Variants in SMARCA4 observed in about 807,000 individuals in gnomAD.
The protein encoded by SMARCA4 is SWI/SNF related BAF chromatin remodeling complex subunit ATPase 4.
A neutral mutation model predicts 193.9 loss-of-function variants in SMARCA4; 31 were observed. The observed-to-expected ratio is 0.16, with a 90% CI of 0.12 to 0.22. The LOEUF (loss-of-function observed/expected upper bound fraction) is 0.22, where lower values mean the gene tolerates loss of function less well. SMARCA4 is among the 10% of genes least tolerant of loss of function. The pLI is 1.00. For missense variants in SMARCA4, 1,148 were observed against 2,296.0 expected (o/e 0.50, Z 10.22); for synonymous variants, 942 against 933.1 (o/e 1.01, Z -0.17).
chr19:10,974,426 A>G (rs1026403257), intron 1 of SMARCA4, among the ~76,000 whole-genome samples: 1 of 144,758 alleles, frequency 6.9e-6, no homozygotes, highest in Non-Finnish European at 1.5e-5. Context: ...TCTTGTGGGT[A>G]TTTATTTCAT....
intron 1 of SMARCA4, among the ~76,000 whole-genome samples, chr19:10,962,418 C>T (rs1828582163): frequency 6.6e-6 from 1 of 152,034 alleles, no homozygotes; most frequent in South Asian, 2.1e-4. Context: ...ACTCTCTTGG[C>T]CTATCGTTTA....
chr19:11,027,646 G>A (rs1185403692), intron 23 of SMARCA4, 138 bp from the exon 24 acceptor site: 9 of 895,784 alleles, frequency 1.0e-5, no homozygotes, highest in South Asian at 4.1e-5. Context: ...GGTGGGTGAC[G>A]TCTGCTTAGG....
rs554612083 is a variant in SMARCA4 at position 11,045,595 on chromosome 19, A to G, written c.4424+4035A>G. Among the ~76,000 whole-genome samples the G allele has an allele frequency of 2.6e-5, 4 of 152,270 alleles. No individual in the cohort carries two copies. The East Asian group carries it at 5.8e-4, about 22-fold the overall frequency. On this transcript the variant is annotated intron_variant, in intron 30 of 34. Transcript: ENST00000344626. ...ACAGAAACAGCATGCTCAGCTTATTAAGAACCTGAATATTTTCAGACAAAA... is the reference window on the plus strand; with the variant it reads ...ACAGAAACAGCATGCTCAGCTTATTGAGAACCTGAATATTTTCAGACAAAA...
Position 11,030,759 on chromosome 19 carries a change from C to T in SMARCA4, c.3412C>T (p.Leu1138=), listed in dbSNP as rs760188750. 7 of 1,611,708 alleles carry T rather than the reference C, an allele frequency of 4.3e-6. No homozygotes were observed. In the African/African-American group the frequency reaches 8.0e-5, roughly 18 times the overall value. ...CACGAAGGCGGAGGACCGGGGCATG[C>T]TGCTGAAAACCTTCAACGAGCCCGG... ...GTTKAEDRGM[L]LKTFNEPGSE... is the part of the protein sequence containing the mutation. Residue 1138 remains leucine (L), a synonymous_variant, in exon 25 of 35, where the codon CTG becomes TTG. Transcript: ENST00000344626. This position sits in a 1 kb window ranked among gnomAD's most constrained non-coding sequence, Gnocchi z 5.5.
chr19:10,998,070 T>G (rs912081134), intron 11 of SMARCA4, among the ~76,000 whole-genome samples: 10 of 151,894 alleles, frequency 6.6e-5, no homozygotes, highest in Non-Finnish European at 1.2e-4. Context: ...TTTGTTTTTT[T>G]GCAGAGATGG....
Position 11,007,927 on chromosome 19 carries a change from C to T in SMARCA4, c.2027C>T (p.Ala676Val), listed in dbSNP as rs2146190719. The T allele has an allele frequency of 6.2e-7, 1 of 1,613,668 alleles. No individual in the cohort carries two copies. Among genetic ancestry groups the T allele is most frequent in the Non-Finnish European group, 8.5e-7 (1 of 1,179,760 alleles). Residue 676 changes from alanine (A) to valine (V), a missense_variant, in exon 14 of 35, where the codon GCA becomes GTA. Physicochemically the swap from Ala to Val is moderately conservative, Grantham distance 64. Transcript: ENST00000344626. ...GAGGAGGAGGAAGAGCAGCCGCAGG[C>T]AGCACAGCCTCCCACCCTGCCCGTG... ...EEEEEEEQPQ[A>V]AQPPTLPVEE...
At chr19:10,980,639 A>C (rs918404470) in intron 1 of SMARCA4, 2 of 152,128 alleles carry the variant, frequency 1.3e-5, no homozygotes, top group Non-Finnish European at 2.9e-5. Context: ...GTCTCAAAAA[A>C]AAAAAAATGT....
chr19:10,987,333 C>T lies in SMARCA4; in HGVS notation c.859+330C>T, dbSNP rs1315803042. 1.3e-5 allele frequency among the ~76,000 whole-genome samples: 2 copies of T among 152,122 alleles called. No individual in the cohort carries two copies. Among genetic ancestry groups the T allele is most frequent in the African/African-American group, 4.8e-5 (2 of 41,432 alleles). On this transcript the variant is annotated intron_variant, in intron 5 of 34. Coordinates refer to ENST00000344626, the MANE Select transcript of SMARCA4 (RefSeq NM_003072.5). The surrounding 1 kb of genome is among the most constrained non-coding windows in gnomAD (Gnocchi z 5.3). ...CATCCTCTTGGAGCCTGAGGTTTAGCGATGGGCATTGAGGGGCAAATTGCT... is the reference window on the plus strand; with the variant it reads ...CATCCTCTTGGAGCCTGAGGTTTAGTGATGGGCATTGAGGGGCAAATTGCT...
At chr19:11,002,141 A>T (rs968571073) in intron 11 of SMARCA4, among the ~76,000 whole-genome samples, 1 of 152,204 alleles carries the variant, frequency 6.6e-6, no homozygotes, top group African/African-American at 2.4e-5. Flanking sequence ...TACCAGTGGA[A>T]AACTGTGAAG....
At chr19:10,992,819 T>C (rs2086673518) in intron 8 of SMARCA4, among the ~76,000 whole-genome samples, 1 of 151,988 alleles carries the variant, frequency 6.6e-6, no homozygotes, top group African/African-American at 2.4e-5. Context: ...TCTCAGACTG[T>C]TGACCTCGTG....
chr19:10,995,868 GC>G (rs1417383456), intron 9 of SMARCA4: 1 of 397,866 alleles, frequency 2.5e-6, no homozygotes, highest in Non-Finnish European at 4.8e-6. Context: ...AAGGTGGGGG[GC>G]TGCTGTAGGA....
At chr19:11,028,199 G>C (rs575906623) in intron 24 of SMARCA4, among the ~76,000 whole-genome samples, 2 of 152,374 alleles carry the variant, frequency 1.3e-5, no homozygotes, top group South Asian at 4.1e-4. Context: ...GCGCACTGGG[G>C]AAGGGGTGCC....
At chr19:10,966,135 A>G (rs1490054607) in intron 1 of SMARCA4, among the ~76,000 whole-genome samples, 1 of 151,922 alleles carries the variant, frequency 6.6e-6, no homozygotes, top group Non-Finnish European at 1.5e-5. Context: ...GGTGCCCGCC[A>G]CCATGCCTGG....
chr19:10,974,666 CATAT>C (rs1555744332), intron 1 of SMARCA4, among the ~76,000 whole-genome samples: 445 of 30,466 alleles, frequency 0.015, 4 homozygotes, highest in South Asian at 0.049. Context: ...GATTAACATG[CATAT>C]ATATATATAT....
chr19:11,019,545 C>G lies in SMARCA4; in HGVS notation c.2506-46C>G. On this transcript the variant is annotated intron_variant, in intron 17 of 34. Transcript: ENST00000344626. The surrounding 1 kb of genome is among the most constrained non-coding windows in gnomAD (Gnocchi z 6.1). Reference sequence around the variant, plus strand: ...TGCCTGTGCCCCTCTTGCCACCTGGCCACCCGGCTCCAAAAGCCGAGCTGT... The same window carrying G: ...TGCCTGTGCCCCTCTTGCCACCTGGGCACCCGGCTCCAAAAGCCGAGCTGT... The G allele has an allele frequency of 2.2e-6, 3 of 1,343,084 alleles. No individual in the cohort carries two copies. The highest frequency in any genetic ancestry group is 3.2e-6 in the Non-Finnish European group (3 of 950,816). 83.2% of individuals were successfully genotyped at this position (1,343,084 alleles called of 1,614,324 possible). A position where few individuals can be genotyped will look rare whatever the true frequency, so the allele number is the denominator to read the frequency against.
intron 24 of SMARCA4, 21 bp downstream of exon 24, chr19:11,027,971 C>T (rs759003309): frequency 1.7e-5 from 28 of 1,612,412 alleles, no homozygotes; most frequent in African/African-American, 5.3e-5. Context: ...GCCAGTGAGG[C>T]GTTTCTTACA....
chr19:11,000,388 G>A (rs2087516536), intron 11 of SMARCA4, among the ~76,000 whole-genome samples: 1 of 151,600 alleles, frequency 6.6e-6, no homozygotes, highest in South Asian at 2.1e-4. Flanking sequence ...AATTAACCAG[G>A]CTTGGTGCGC....
At chr19:10,994,142 C>T (rs369415795) in intron 8 of SMARCA4, among the ~76,000 whole-genome samples, 5 of 151,736 alleles carry the variant, frequency 3.3e-5, no homozygotes, top group Admixed American at 6.6e-5. Context: ...TGGATTCAAG[C>T]GATTCCCCTG....
chr19:10,993,053 T>TC (rs2086697757), intron 8 of SMARCA4, among the ~76,000 whole-genome samples: 1 of 148,406 alleles, frequency 6.7e-6, no homozygotes, highest in African/African-American at 2.5e-5. Flanking sequence ...TGGCACGATC[T>TC]CCACTCACTG....
Sources: allele counts gnomAD v4.1 joint callset (sites outside exome capture counted in the v4.1 genomes callset), GRCh38; gene constraint gnomAD v4.1.1; non-coding constraint Gnocchi (gnomAD v3.1); transcripts MANE v1.5; gene names NCBI Gene and HGNC (gene_info 2026-07-23, HGNC 2026-07-21).